Variants in SPMIP2 observed in about 807,000 individuals in gnomAD.
SPMIP2 encodes the protein protein SPMIP2.
At chr4:158,972,611 A>T in the SPMIP2 span, among the ~76,000 whole-genome samples, 2 of 152,220 alleles carry the variant, frequency 1.3e-5, no homozygotes, top group African/African-American at 2.4e-5. Flanking sequence ...CAAGGTTTCT[A>T]AAACCCTCTG....
the SPMIP2 span, among the ~76,000 whole-genome samples, chr4:158,901,128 A>ATTTTTTTTTTTTTTTTTTTTTTTTTT: frequency 8.9e-6 from 1 of 112,302 alleles, no homozygotes; most frequent in Non-Finnish European, 1.7e-5. Context: ...CTGGGTTGAA[A>ATTTTTTTTTTTTTTTTTTTTTTTTTT]TTTTTTTTTT....
the SPMIP2 span, among the ~76,000 whole-genome samples, chr4:158,984,349 T>A: frequency 1.4e-4 from 20 of 147,468 alleles, no homozygotes; most frequent in Non-Finnish European, 1.9e-4. Context: ...GCACCACACC[T>A]CACCTATTCC....
chr4:159,025,602 A>G, the SPMIP2 span, among the ~76,000 whole-genome samples: 1 of 152,152 alleles, frequency 6.6e-6, no homozygotes, highest in South Asian at 2.1e-4. Context: ...TTGGGAAATA[A>G]GGTGTACTTG....
the SPMIP2 span, among the ~76,000 whole-genome samples, chr4:158,939,327 A>G: frequency 6.6e-6 from 1 of 152,210 alleles, no homozygotes; most frequent in Non-Finnish European, 1.5e-5. Context: ...TAGTATAAAG[A>G]TCCATAGAAC....
the SPMIP2 span, among the ~76,000 whole-genome samples, chr4:159,048,842 T>C: frequency 2.6e-5 from 4 of 150,968 alleles, no homozygotes; most frequent in South Asian, 6.3e-4. Context: ...TTAGCTGGCA[T>C]TACAGATATG....
the SPMIP2 span, among the ~76,000 whole-genome samples, chr4:158,980,476 T>C: frequency 6.6e-6 from 1 of 152,176 alleles, no homozygotes; most frequent in Non-Finnish European, 1.5e-5. Context: ...ATCTGGCGGG[T>C]GCCCCTCTGG....
At chr4:159,073,154 C>G in the SPMIP2 span, among the ~76,000 whole-genome samples, 1 of 151,816 alleles carries the variant, frequency 6.6e-6, no homozygotes, top group African/African-American at 2.4e-5. Flanking sequence ...TTTTCTTTTT[C>G]TTTTTGTTTT....
chr4:159,026,912 C>T, the SPMIP2 span, among the ~76,000 whole-genome samples: 2 of 150,276 alleles, frequency 1.3e-5, no homozygotes, highest in Non-Finnish European at 3.0e-5. Context: ...TAAAACAAAA[C>T]CAAAAAACTT....
the SPMIP2 span, among the ~76,000 whole-genome samples, chr4:158,953,902 T>C: frequency 6.6e-6 from 1 of 152,222 alleles, no homozygotes; most frequent in African/African-American, 2.4e-5. Flanking sequence ...TGAACAGCTG[T>C]ATTTACCCAT....
chr4:159,003,438 T>C, the SPMIP2 span, among the ~76,000 whole-genome samples: 1 of 152,226 alleles, frequency 6.6e-6, no homozygotes, highest in Non-Finnish European at 1.5e-5. Flanking sequence ...TCTAGTCCTA[T>C]ACCGGACACA....
At chr4:159,055,252 G>C in the SPMIP2 span, among the ~76,000 whole-genome samples, 1 of 152,054 alleles carries the variant, frequency 6.6e-6, no homozygotes, top group Admixed American at 6.5e-5. Context: ...AGAGACATAG[G>C]GTGCTCTATA....
the SPMIP2 span, among the ~76,000 whole-genome samples, chr4:158,975,885 T>C: frequency 1.3e-4 from 20 of 152,200 alleles, no homozygotes; most frequent in African/African-American, 4.8e-4. Context: ...TAAATTACTT[T>C]GGGCAGTACG....
the SPMIP2 span, among the ~76,000 whole-genome samples, chr4:159,060,084 C>G: frequency 6.6e-6 from 1 of 152,142 alleles, no homozygotes; most frequent in African/African-American, 2.4e-5. Context: ...GTGCAGTGCA[C>G]CAGCCATTGA....
the SPMIP2 span, among the ~76,000 whole-genome samples, chr4:158,986,936 A>T: frequency 7.0e-6 from 1 of 142,002 alleles, no homozygotes; most frequent in Non-Finnish European, 1.5e-5. Flanking sequence ...AATTTACAAG[A>T]AAAAAACAAA....
the SPMIP2 span, among the ~76,000 whole-genome samples, chr4:159,005,392 C>T: frequency 2.6e-5 from 4 of 152,096 alleles, no homozygotes; most frequent in African/African-American, 9.6e-5. Context: ...TGCAGTGAGC[C>T]GAGATCACGC....
At chr4:158,950,406 A>G in the SPMIP2 span, among the ~76,000 whole-genome samples, 1 of 152,204 alleles carries the variant, frequency 6.6e-6, no homozygotes, top group Admixed American at 6.5e-5. Flanking sequence ...CCTAAACCAC[A>G]GCCATTTGAG....
At chr4:159,025,061 G>C in the SPMIP2 span, among the ~76,000 whole-genome samples, 9 of 152,158 alleles carry the variant, frequency 5.9e-5, no homozygotes, top group African/African-American at 1.9e-4. Flanking sequence ...CTTGTCCAAG[G>C]TCACAACAAT....
the SPMIP2 span, among the ~76,000 whole-genome samples, chr4:158,965,549 G>A: frequency 6.6e-6 from 1 of 151,922 alleles, no homozygotes; most frequent in Admixed American, 6.6e-5. Flanking sequence ...AGGTTAGGAA[G>A]TATGCTCCCC....
At chr4:159,056,970 G>A in the SPMIP2 span, among the ~76,000 whole-genome samples, 2 of 152,294 alleles carry the variant, frequency 1.3e-5, no homozygotes, top group South Asian at 4.1e-4. Flanking sequence ...CAAAGTGAAA[G>A]GTTAAATATT....
Sources: allele counts gnomAD v4.1 joint callset (sites outside exome capture counted in the v4.1 genomes callset), GRCh38; gene constraint gnomAD v4.1.1; transcripts MANE v1.5; gene names NCBI Gene and HGNC (gene_info 2026-07-23, HGNC 2026-07-21).